The following NXN variants were observed in gnomAD, a reference collection of about 807,000 sequenced individuals.
The protein encoded by NXN is nucleoredoxin 1.
A neutral mutation model predicts 48.6 loss-of-function variants in NXN; 16 were observed. That is an observed-to-expected ratio of 0.33 (90% CI 0.22 to 0.50). The LOEUF (loss-of-function observed/expected upper bound fraction) is 0.50, where lower values mean the gene tolerates loss of function less well. NXN is among the 20% of genes least tolerant of loss of function. The probability of loss-of-function intolerance (pLI) is 0.98; values close to 1 mark genes in which losing one functional copy is unlikely to be tolerated. For synonymous variants in NXN, 281 were observed against 269.6 expected, an observed-to-expected ratio of 1.04 and a Z score of -0.41; for missense variants, 492 against 605.5, an observed-to-expected ratio of 0.81 and a Z score of 1.97.
At chr17:806,624 A>AATTTTATG (rs947854649) in intron 5 of NXN, among the ~76,000 whole-genome samples, 6 of 151,966 alleles carry the variant, frequency 3.9e-5, no homozygotes, top group Non-Finnish European at 7.4e-5. Flanking sequence ...CCAGAGCCTG[A>AATTTTATG]ATTTTATGTG....
chr17:804,919 T>A, intron 6 of NXN, 149 bp downstream of exon 6: 1 of 841,260 alleles, frequency 1.2e-6, no homozygotes, highest in Non-Finnish European at 1.8e-6. Flanking sequence ...ATCATTGGGG[T>A]CAAAAGCAAG....
chr17:853,724 T>TATATATATA (rs61572573), intron 1 of NXN, among the ~76,000 whole-genome samples: 33 of 70,046 alleles, frequency 4.7e-4, no homozygotes, highest in African/African-American at 2.0e-3. Context: ...TATATATATA[T>TATATATATA]TTTTTTTTTT....
intron 5 of NXN, among the ~76,000 whole-genome samples, chr17:810,153 GGCGTGCACGTTACGAGTCTGTGAC>G (rs1911877279): frequency 8.5e-6 from 1 of 117,680 alleles, no homozygotes. Flanking sequence ...GTCTGTGACT[GGCGTGCACGTTACGAGTCTGTGAC>G]TGGCGTGCAT....
At chr17:888,464 G>A (rs1303882031) in intron 1 of NXN, among the ~76,000 whole-genome samples, 52 of 152,134 alleles carry the variant, frequency 3.4e-4, no homozygotes, top group Admixed American at 3.3e-3. Flanking sequence ...TAAAGGATCT[G>A]GCCACCTTGG....
At chr17:838,124 TTC>T (rs1567825654) in intron 1 of NXN, among the ~76,000 whole-genome samples, 2 of 131,484 alleles carry the variant, frequency 1.5e-5, no homozygotes, top group Admixed American at 1.6e-4. Flanking sequence ...TTTCCTTTCC[TTC>T]TTTTTTTTTT....
chr17:897,842 C>A (rs1047266391), intron 1 of NXN, among the ~76,000 whole-genome samples: 2 of 152,076 alleles, frequency 1.3e-5, no homozygotes, highest in Admixed American at 1.3e-4. Context: ...CGCATGGCTA[C>A]TTTTTCTATT....
Position 841,548 on chromosome 17 carries a change from GGCGA to G in NXN, c.361-15474_361-15471del, listed in dbSNP as rs1567827856. ...CCCCGACCATGGAGCATCTCACGCCGGCGAGCAGGTCCCCCCTGACCACGGAGCA... is the reference window on the plus strand; with the variant it reads ...CCCCGACCATGGAGCATCTCACGCCGGCAGGTCCCCCCTGACCACGGAGCA... On this transcript the variant is annotated intron_variant, in intron 1 of 7. Coordinates refer to ENST00000336868, the MANE Select transcript of NXN (RefSeq NM_022463.5). 6.4e-4 allele frequency among the ~76,000 whole-genome samples: 28 copies of G among 44,044 alleles called. 1 individual carries two copies. The highest frequency in any genetic ancestry group is 1.2e-3 in the African/African-American group (10 of 8,624). 28.9% of individuals were successfully genotyped at this position (44,044 alleles called of 152,430 possible).
At chr17:815,828 G>A (rs895653993) in intron 5 of NXN, among the ~76,000 whole-genome samples, 10 of 152,228 alleles carry the variant, frequency 6.6e-5, no homozygotes, top group South Asian at 6.2e-4. Context: ...ACCCAGCCAC[G>A]TCAAACAGAG....
At chr17:916,553 G>C (rs1373476131) in intron 1 of NXN, among the ~76,000 whole-genome samples, 1 of 152,190 alleles carries the variant, frequency 6.6e-6, no homozygotes, top group African/African-American at 2.4e-5. Context: ...AGCTGCAGTA[G>C]CTACTGTAAA....
intron 1 of NXN, among the ~76,000 whole-genome samples, chr17:846,426 AAAAAAGAAAAG>A (rs1567830828): frequency 1.3e-5 from 2 of 149,670 alleles, no homozygotes. Flanking sequence ...AAAAAAAAAA[AAAAAAGAAAAG>A]AAAAAAGAAA....
chr17:890,492 G>A (rs752930264), intron 1 of NXN, among the ~76,000 whole-genome samples: 3 of 151,810 alleles, frequency 2.0e-5, no homozygotes, highest in Non-Finnish European at 2.9e-5. Flanking sequence ...TCCTGCCTCA[G>A]CCTCCCCAGT....
intron 5 of NXN, chr17:819,038 C>T (rs1401483931): frequency 6.5e-6 from 2 of 305,586 alleles, no homozygotes; most frequent in African/African-American, 2.3e-5. Context: ...CCTCTGCCTC[C>T]TGGGTTCAAG....
chr17:810,007 C>CA (rs1218582462), intron 5 of NXN, among the ~76,000 whole-genome samples: 3 of 115,010 alleles, frequency 2.6e-5, no homozygotes, highest in Non-Finnish European at 1.8e-5. Flanking sequence ...CGTTACGAGT[C>CA]TGTGAGTGGC....
At chr17:817,509 A>C (rs1912542528) in intron 5 of NXN, among the ~76,000 whole-genome samples, 1 of 151,880 alleles carries the variant, frequency 6.6e-6, no homozygotes, top group African/African-American at 2.4e-5. Flanking sequence ...CTCTACTAAA[A>C]ATACAAAAAA....
chr17:842,159 C>T (rs992453661), intron 1 of NXN, among the ~76,000 whole-genome samples: 3 of 151,974 alleles, frequency 2.0e-5, no homozygotes, highest in East Asian at 1.9e-4. Context: ...AAAACCTGCT[C>T]GACACCCTTC....
chr17:877,066 T>C (rs763759435), intron 1 of NXN, among the ~76,000 whole-genome samples: 1 of 150,692 alleles, frequency 6.6e-6, no homozygotes, highest in Admixed American at 6.7e-5. Context: ...GGTGACAGAG[T>C]GAAACTCTGT....
At chr17:834,229 AGAGGATGCTTT>A (rs1308925522) in intron 1 of NXN, among the ~76,000 whole-genome samples, 1 of 152,152 alleles carries the variant, frequency 6.6e-6, no homozygotes, top group Non-Finnish European at 1.5e-5. Context: ...GGCTGAGGTA[AGAGGATGCTTT>A]GAGCATGGGA....
intron 5 of NXN, among the ~76,000 whole-genome samples, chr17:816,121 C>T (rs1273431207): frequency 6.6e-6 from 1 of 152,198 alleles, no homozygotes; most frequent in Non-Finnish European, 1.5e-5. Context: ...TGACTAGCAT[C>T]TCACCTGTAG....
At chr17:843,607 G>T (rs74478767) in intron 1 of NXN, among the ~76,000 whole-genome samples, 1 of 152,230 alleles carries the variant, frequency 6.6e-6, no homozygotes, top group African/African-American at 2.4e-5. Flanking sequence ...TTGCATAGGA[G>T]GGGGAGTGAG....
Sources: gnomAD v4.1 joint callset for allele counts (sites outside exome capture counted in the v4.1 genomes callset) on GRCh38, gnomAD v4.1.1 for gene constraint, MANE v1.5 for transcripts, NCBI Gene and HGNC (gene_info 2026-07-23, HGNC 2026-07-21) for gene names.